Variants in PHF24 observed in about 807,000 individuals in gnomAD.
The protein encoded by PHF24 is Galpha inhibitory interacting protein.
PHF24 carries 25 observed loss-of-function variants against 42.6 expected under a neutral mutation model. That is an observed-to-expected ratio of 0.59 (90% CI 0.43 to 0.82). PHF24 has a LOEUF of 0.82. PHF24 is among the 40% of genes least tolerant of loss of function. The pLI, the probability that PHF24 is intolerant of heterozygous loss-of-function variation, is 0.00. For missense variants in PHF24, 470 were observed against 538.1 expected, an observed-to-expected ratio of 0.87 and a Z score of 1.25; for synonymous variants, 185 against 204.8, an observed-to-expected ratio of 0.90 and a Z score of 0.83.
At chr9:34,909,350 A>T in the PHF24 span, among the ~76,000 whole-genome samples, 10 of 152,130 alleles carry the variant, frequency 6.6e-5, no homozygotes, top group Non-Finnish European at 7.3e-5. Context: ...GCCTGTCATC[A>T]GTGGCAGCCT....
chr9:34,748,527 A>C, the PHF24 span, among the ~76,000 whole-genome samples: 1 of 152,204 alleles, frequency 6.6e-6, no homozygotes, highest in East Asian at 1.9e-4. Context: ...ATGGCTCAGC[A>C]TAGAGAGACT....
the PHF24 span, among the ~76,000 whole-genome samples, chr9:34,720,015 A>G: frequency 6.6e-6 from 1 of 152,240 alleles, no homozygotes; most frequent in Admixed American, 6.5e-5. Context: ...TCTGTATCCA[A>G]GCAGTGGACA....
chr9:34,975,442 A>G (rs1057501372), intron 3 of PHF24, among the ~76,000 whole-genome samples: 2 of 152,224 alleles, frequency 1.3e-5, no homozygotes, highest in Non-Finnish European at 2.9e-5. Context: ...TACTCATGAA[A>G]TATCTGCTCT....
At chr9:34,731,449 C>T in the PHF24 span, among the ~76,000 whole-genome samples, 1 of 152,180 alleles carries the variant, frequency 6.6e-6, no homozygotes. Context: ...CACCTCACCC[C>T]GCTACCTTTC....
chr9:34,982,203 T>C (rs3849915), exon 8 of PHF24: 149,276 of 152,296 alleles, frequency 0.98, 73,214 homozygotes, highest in Middle Eastern at 1. Context: ...CCAGGCCTTT[T>C]CATAGCCATG....
chr9:34,716,132 T>C, the PHF24 span, among the ~76,000 whole-genome samples: 1 of 152,142 alleles, frequency 6.6e-6, no homozygotes, highest in African/African-American at 2.4e-5. Context: ...AGAAATAAGA[T>C]GCCCTGTGGA....
At chr9:34,957,322 A>C (rs1826397706), upstream of PHF24, among the ~76,000 whole-genome samples, 1 of 152,224 alleles carries the variant, frequency 6.6e-6, no homozygotes, top group Non-Finnish European at 1.5e-5. Context: ...AAATAAAGGT[A>C]TTTTAAAAAT....
At chr9:34,770,342 T>A in the PHF24 span, among the ~76,000 whole-genome samples, 1 of 152,086 alleles carries the variant, frequency 6.6e-6, no homozygotes, top group South Asian at 2.1e-4. Context: ...CACAGCAGAT[T>A]GACAAAATTC....
the PHF24 span, among the ~76,000 whole-genome samples, chr9:34,688,616 T>G: frequency 6.6e-6 from 1 of 151,678 alleles, no homozygotes; most frequent in Admixed American, 6.6e-5. Context: ...CTCTGACCTC[T>G]GACTCCCAGG....
At chr9:34,935,375 C>A in the PHF24 span, among the ~76,000 whole-genome samples, 1 of 152,128 alleles carries the variant, frequency 6.6e-6, no homozygotes, top group Non-Finnish European at 1.5e-5. Context: ...AGGCAGATCA[C>A]CTGAGGTCAG....
At chr9:34,919,005 C>T in the PHF24 span, among the ~76,000 whole-genome samples, 2 of 152,126 alleles carry the variant, frequency 1.3e-5, no homozygotes, top group Non-Finnish European at 2.9e-5. Context: ...TCAAACATTT[C>T]ACAAACGTTT....
the PHF24 span, among the ~76,000 whole-genome samples, chr9:34,893,755 G>A: frequency 6.6e-6 from 1 of 152,172 alleles, no homozygotes; most frequent in Non-Finnish European, 1.5e-5. Context: ...GTTCTCTGTT[G>A]ACCTTGTTGA....
the PHF24 span, among the ~76,000 whole-genome samples, chr9:34,810,878 G>T: frequency 6.6e-6 from 1 of 152,170 alleles, no homozygotes; most frequent in Non-Finnish European, 1.5e-5. Context: ...CCCAAGCGGG[G>T]GACGAGGACA....
chr9:34,763,486 T>C, the PHF24 span, among the ~76,000 whole-genome samples: 1 of 152,202 alleles, frequency 6.6e-6, no homozygotes, highest in African/African-American at 2.4e-5. Flanking sequence ...ACTCATGATT[T>C]GGCTCTCTGT....
the PHF24 span, among the ~76,000 whole-genome samples, chr9:34,741,876 A>G: frequency 6.6e-6 from 1 of 152,044 alleles, no homozygotes; most frequent in Non-Finnish European, 1.5e-5. Flanking sequence ...CAGCTTAAGT[A>G]TTTCATCATA....
At chr9:34,846,471 T>C in the PHF24 span, among the ~76,000 whole-genome samples, 20 of 152,080 alleles carry the variant, frequency 1.3e-4, no homozygotes, top group Admixed American at 1.3e-3. Flanking sequence ...GTAAATTTGT[T>C]TGAGTTCATT....
chr9:34,966,588 C>CA (rs1166723453), intron 1 of PHF24, among the ~76,000 whole-genome samples: 4 of 151,840 alleles, frequency 2.6e-5, no homozygotes, highest in Non-Finnish European at 4.4e-5. Context: ...AGACCCCCCC[C>CA]CTCGCCCCAT....
chr9:34,935,225 G>A, the PHF24 span, among the ~76,000 whole-genome samples: 6 of 152,154 alleles, frequency 3.9e-5, no homozygotes, highest in African/African-American at 1.4e-4. Flanking sequence ...GAAGGCCACT[G>A]GGGACCTTTA....
the PHF24 span, among the ~76,000 whole-genome samples, chr9:34,797,111 A>C: frequency 6.6e-6 from 1 of 152,146 alleles, no homozygotes; most frequent in African/African-American, 2.4e-5. Context: ...TCTCCCTCTC[A>C]GGGCGTGCGA....
Sources: allele counts gnomAD v4.1 joint callset (sites outside exome capture counted in the v4.1 genomes callset), GRCh38; gene constraint gnomAD v4.1.1; transcripts MANE v1.5; gene names NCBI Gene and HGNC (gene_info 2026-07-23, HGNC 2026-07-21).